BCKDHB: variants seen among roughly 807,000 people sequenced by gnomAD.
BCKDHB encodes branched chain keto acid dehydrogenase E1 subunit beta.
A neutral mutation model predicts 48.5 loss-of-function variants in BCKDHB; 41 were observed. That is an observed-to-expected ratio of 0.85 (90% confidence interval 0.66 to 1.10). The LOEUF is 1.10. Ranked by LOEUF, BCKDHB falls within the 50% of genes least tolerant of loss-of-function variation. The pLI is 0.00. For synonymous variants in BCKDHB, 201 were observed against 174.8 expected (o/e 1.15, Z -1.18); for missense variants, 496 against 494.2 (o/e 1.00, Z -0.03).
the BCKDHB span, among the ~76,000 whole-genome samples, chr6:80,380,458 C>CG: frequency 6.6e-6 from 1 of 151,936 alleles, no homozygotes; most frequent in African/African-American, 2.4e-5. Context: ...AAGACCTAAA[C>CG]ATAAGACTAG....
chr6:80,217,568 A>G (rs1775229762), intron 8 of BCKDHB, among the ~76,000 whole-genome samples: 2 of 152,178 alleles, frequency 1.3e-5, no homozygotes, highest in South Asian at 4.1e-4. Flanking sequence ...CCATTAACAT[A>G]GCACTAAAAC....
chr6:80,293,923 C>T (rs1003144249), intron 9 of BCKDHB, among the ~76,000 whole-genome samples: 1 of 152,194 alleles, frequency 6.6e-6, no homozygotes, highest in African/African-American at 2.4e-5. Flanking sequence ...ACAAGTTCTT[C>T]ATCTCTATCT....
intron 9 of BCKDHB, among the ~76,000 whole-genome samples, chr6:80,279,435 C>T (rs1040711290): frequency 5.3e-5 from 8 of 152,242 alleles, no homozygotes; most frequent in Admixed American, 2.6e-4. Flanking sequence ...GGATTACAGG[C>T]GTGAGCCGCC....
At chr6:80,279,662 C>G (rs1318395713) in intron 9 of BCKDHB, among the ~76,000 whole-genome samples, 1 of 151,462 alleles carries the variant, frequency 6.6e-6, no homozygotes, top group Non-Finnish European at 1.5e-5. Flanking sequence ...TTCTCACATC[C>G]CTTTTTGACT....
At chr6:80,465,939 A>T in the BCKDHB span, 1 of 152,322 alleles carries the variant, frequency 6.6e-6, no homozygotes, top group African/African-American at 2.4e-5. Context: ...ACCTCACATT[A>T]CAAGCCACTG....
chr6:80,123,390 C>T (rs749751744), intron 1 of BCKDHB, among the ~76,000 whole-genome samples: 78 of 152,242 alleles, frequency 5.1e-4, no homozygotes, highest in African/African-American at 1.8e-3. Context: ...GAAATTTTCA[C>T]GATTTATGTT....
the BCKDHB span, among the ~76,000 whole-genome samples, chr6:80,406,439 C>T: frequency 6.6e-6 from 1 of 152,212 alleles, no homozygotes; most frequent in African/African-American, 2.4e-5. Flanking sequence ...ACACTGTCTT[C>T]CACAATGGTT....
chr6:80,443,417 C>A, the BCKDHB span: 2 of 151,970 alleles, frequency 1.3e-5, no homozygotes, highest in African/African-American at 2.4e-5. Flanking sequence ...TGAATGTGAA[C>A]ACATGAGTGA....
In BCKDHB at chr6:80,238,078, TGAG is replaced by T. The variant is rs529643620; in HGVS notation, c.951+34870_951+34872del. 3.4e-4 allele frequency among the ~76,000 whole-genome samples: 51 copies of T among 152,234 alleles called. No homozygotes were observed. The East Asian group carries it at 6.6e-3, about 20-fold the overall frequency. On this transcript the variant is annotated intron_variant, in intron 8 of 9. Coordinates refer to ENST00000320393, the MANE Select transcript of BCKDHB (RefSeq NM_183050.4). Reference sequence around the variant, plus strand: ...TCGCTTCCTTCCTTCCAAAGAGTATTGAGGAGATTTTAATCTTTTTTAAATTTT... The same window carrying T: ...TCGCTTCCTTCCTTCCAAAGAGTATTGAGATTTTAATCTTTTTTAAATTTT...
At chr6:80,233,613 A>T (rs1776025002) in intron 8 of BCKDHB, among the ~76,000 whole-genome samples, 1 of 152,162 alleles carries the variant, frequency 6.6e-6, no homozygotes, top group Non-Finnish European at 1.5e-5. Context: ...ATTATTTAGA[A>T]TTTCTTCAGG....
intron 9 of BCKDHB, among the ~76,000 whole-genome samples, chr6:80,293,701 T>C (rs1224307603): frequency 6.6e-6 from 1 of 152,220 alleles, no homozygotes; most frequent in Non-Finnish European, 1.5e-5. Context: ...GTCTGCAAAT[T>C]TTCCAAACTT....
chr6:80,305,360 A>G (rs998250427), intron 9 of BCKDHB, among the ~76,000 whole-genome samples: 6 of 152,254 alleles, frequency 3.9e-5, no homozygotes, highest in African/African-American at 1.4e-4. Flanking sequence ...TTGTTGCTTA[A>G]TGGATCTCTA....
chr6:80,182,327 T>C (rs1478921456), intron 6 of BCKDHB, among the ~76,000 whole-genome samples: 1 of 152,202 alleles, frequency 6.6e-6, no homozygotes, highest in Non-Finnish European at 1.5e-5. Context: ...AACTGAACTA[T>C]TCATGGAATA....
Position 80,346,265 on chromosome 6 carries a change from A to G in BCKDHB, c.*2461A>G, listed in dbSNP as rs1240040230. 1 of 152,106 alleles carries G rather than the reference A, an allele frequency of 6.6e-6. No individual in the cohort carries two copies. The highest frequency in any genetic ancestry group is 1.5e-5 in the Non-Finnish European group (1 of 68,008). The allele number at this position is 152,106 out of a possible 1,614,324, so 9.4% of individuals were successfully genotyped here. A position where few individuals can be genotyped will look rare whatever the true frequency, so the allele number is the denominator to read the frequency against. On this transcript the variant is annotated 3_prime_UTR_variant, in exon 10 of 10. Transcript: ENST00000320393. ...ATAGTATTCAATAAAGTAAAATCAA[A>G]TTGTCTTTGGGTTGTATGTGTTCTT...
intron 9 of BCKDHB, among the ~76,000 whole-genome samples, chr6:80,328,938 G>A (rs1769182449): frequency 6.6e-6 from 1 of 152,078 alleles, no homozygotes; most frequent in African/African-American, 2.4e-5. Flanking sequence ...CAATCTTTGT[G>A]CATGTTGCTA....
intron 9 of BCKDHB, among the ~76,000 whole-genome samples, chr6:80,288,055 G>T (rs568141079): frequency 6.6e-6 from 1 of 151,988 alleles, no homozygotes; most frequent in South Asian, 2.1e-4. Flanking sequence ...ATCCTCAGTA[G>T]TTCGATAATA....
At chr6:80,203,748 A>G (rs1774508069) in intron 8 of BCKDHB, among the ~76,000 whole-genome samples, 1 of 152,086 alleles carries the variant, frequency 6.6e-6, no homozygotes, top group South Asian at 2.1e-4. Context: ...AAGTAGCCTC[A>G]TGACCTTTGG....
At position 80,343,736 on chromosome 6, in the gene BCKDHB, T is replaced by A; in HGVS notation, c.1111T>A (p.Phe371Ile). 6.2e-7 allele frequency: 1 copy of A among 1,613,988 alleles called. No homozygotes were observed. The highest frequency in any genetic ancestry group is 8.5e-7 in the Non-Finnish European group (1 of 1,179,934). The stretch of plus-strand genomic sequence containing the variant: ...TTATGACACACCATTTCCTCACATT[T>A]TTGAACCATTCTACATCCCAGACAA... ...CGYDTPFPHIFEPFYIPDKWK... is the reference protein window; with the variant it reads ...CGYDTPFPHIIEPFYIPDKWK... The change falls in exon 10 of 10, where the codon TTT (phenylalanine) becomes ATT (isoleucine). Residue 371 changes from phenylalanine to isoleucine, a missense_variant. By Grantham distance (21) the Phe-to-Ile change is conservative. Coordinates refer to ENST00000320393, the MANE Select transcript of BCKDHB (RefSeq NM_183050.4).
the BCKDHB span, among the ~76,000 whole-genome samples, chr6:80,411,513 G>A: frequency 3.7e-4 from 57 of 152,320 alleles, no homozygotes; most frequent in African/African-American, 1.3e-3. Flanking sequence ...AGACAGGGAC[G>A]TTAAAGTCTG....
Sources: gnomAD v4.1 joint callset for allele counts (sites outside exome capture counted in the v4.1 genomes callset) on GRCh38, gnomAD v4.1.1 for gene constraint, MANE v1.5 for transcripts, NCBI Gene and HGNC (gene_info 2026-07-23, HGNC 2026-07-21) for gene names.